Variants in TRPC4AP observed in about 807,000 individuals in gnomAD.
TRPC4AP encodes the protein short transient receptor potential channel 4-associated protein.
A neutral mutation model predicts 99.0 loss-of-function variants in TRPC4AP; 45 were observed. The observed-to-expected ratio is 0.45, with a 90% CI of 0.36 to 0.58. The LOEUF (loss-of-function observed/expected upper bound fraction) is 0.58. Among genes scored for constraint, TRPC4AP ranks in the 20% least tolerant of loss-of-function variants. TRPC4AP has a pLI of 0.00. For synonymous variants in TRPC4AP, 408 were observed against 385.8 expected, an observed-to-expected ratio of 1.06 and a Z score of -0.67; for missense variants, 879 against 985.3, an observed-to-expected ratio of 0.89 and a Z score of 1.44.
At chr20:35,056,985 CA>C (rs398035624) in intron 4 of TRPC4AP, among the ~76,000 whole-genome samples, 13 of 90,262 alleles carry the variant, frequency 1.4e-4, no homozygotes, top group Non-Finnish European at 1.7e-4. Flanking sequence ...GAGACTGTCT[CA>C]AAAAAAAAAA....
At chr20:35,065,706 G>A (rs966385737) in intron 3 of TRPC4AP, among the ~76,000 whole-genome samples, 2 of 152,112 alleles carry the variant, frequency 1.3e-5, no homozygotes, top group Non-Finnish European at 2.9e-5. Flanking sequence ...ACTCAAAGCA[G>A]GAAAGAAAAA....
At chr20:35,004,665 G>A in intron 16 of TRPC4AP, 95 bp from the exon 17 acceptor site, 1 of 1,018,340 alleles carries the variant, frequency 9.8e-7, no homozygotes, top group Non-Finnish European at 1.5e-6. Flanking sequence ...TCCTGACTCT[G>A]AAGCTAGGAG....
chr20:35,033,632 A>G (rs935353179), intron 8 of TRPC4AP, among the ~76,000 whole-genome samples: 1 of 152,120 alleles, frequency 6.6e-6, no homozygotes, highest in Non-Finnish European at 1.5e-5. Context: ...AGTTCTTCTC[A>G]GCTGTCTCCT....
chr20:35,079,926 G>A (rs2084586983), intron 1 of TRPC4AP, among the ~76,000 whole-genome samples: 1 of 150,414 alleles, frequency 6.6e-6, no homozygotes, highest in Non-Finnish European at 1.5e-5. Flanking sequence ...GAAGGATGAG[G>A]TGAGAAGATC....
chr20:35,044,447 G>T (rs2083512583), intron 7 of TRPC4AP, 58 bp downstream of exon 7: 58 of 1,323,168 alleles, frequency 4.4e-5, no homozygotes, highest in Non-Finnish European at 5.4e-5. Flanking sequence ...AAAACTAGAT[G>T]ATTTAGTAAG....
intron 8 of TRPC4AP, among the ~76,000 whole-genome samples, chr20:35,027,303 G>C (rs1003140169): frequency 6.6e-6 from 1 of 152,138 alleles, no homozygotes; most frequent in African/African-American, 2.4e-5. Flanking sequence ...CTATGGAAAC[G>C]ATCATGTGGT....
intron 6 of TRPC4AP, among the ~76,000 whole-genome samples, chr20:35,048,626 TC>T (rs1471860292): frequency 2.6e-5 from 4 of 152,164 alleles, no homozygotes; most frequent in African/African-American, 7.2e-5. Context: ...ATGGTATCTA[TC>T]CCCCTTTCAA....
chr20:35,049,935 T>C lies in TRPC4AP; in HGVS notation c.588A>G (p.Thr196=), dbSNP rs1439445558. The change falls in exon 6 of 19, where the codon ACA becomes ACG. Residue 196 remains threonine (T), a synonymous_variant. Transcript: ENST00000252015. ...EKNDFVIFLF[T]LMTSKKTFLQ... Reference sequence around the variant, plus strand: ...AGAATGTCTTCTTACTTGTCATCAATGTAAACAGGAAGATCACAAAGTCAT... The same window carrying C: ...AGAATGTCTTCTTACTTGTCATCAACGTAAACAGGAAGATCACAAAGTCAT... The C allele has an allele frequency of 5.0e-6, 8 of 1,614,048 alleles. No homozygotes were observed. The highest frequency in any genetic ancestry group is 1.3e-5 in the African/African-American group (1 of 74,940).
intron 2 of TRPC4AP, 99 bp from the exon 3 acceptor site, chr20:35,069,511 A>G: frequency 1.3e-6 from 1 of 756,504 alleles, no homozygotes; most frequent in African/African-American, 1.7e-5. Flanking sequence ...TGGAGTTCCC[A>G]TGAACACAAA....
At chr20:35,047,831 C>T (rs2083595551) in intron 6 of TRPC4AP, among the ~76,000 whole-genome samples, 1 of 152,178 alleles carries the variant, frequency 6.6e-6, no homozygotes, top group South Asian at 2.1e-4. Context: ...AGCTTCCCCA[C>T]AAGTGTGTCC....
chr20:35,032,435 T>C (rs1258096805), intron 8 of TRPC4AP, among the ~76,000 whole-genome samples: 2 of 151,992 alleles, frequency 1.3e-5, no homozygotes, highest in African/African-American at 4.8e-5. Context: ...AATAGTCCTT[T>C]ACTTCTTCAA....
At chr20:35,046,096 G>A (rs912108411) in intron 6 of TRPC4AP, among the ~76,000 whole-genome samples, 9 of 152,080 alleles carry the variant, frequency 5.9e-5, no homozygotes, top group African/African-American at 2.2e-4. Flanking sequence ...GTGAGAGCAA[G>A]AATTCTTGTC....
intron 9 of TRPC4AP, among the ~76,000 whole-genome samples, chr20:35,019,883 G>A (rs1277397041): frequency 6.6e-6 from 1 of 152,084 alleles, no homozygotes; most frequent in Non-Finnish European, 1.5e-5. Context: ...AACACCAGGT[G>A]TAGGTAATCA....
intron 1 of TRPC4AP, 38 bp downstream of exon 1, chr20:35,092,576 G>C (rs1360842594): frequency 2.1e-6 from 3 of 1,438,602 alleles, no homozygotes; most frequent in Non-Finnish European, 2.7e-6. Flanking sequence ...CTCCCGCCTG[G>C]TCCGCCCCGC....
rs1289641922 is a variant in TRPC4AP, at chr20:35,086,537, G to GTATATATA, written c.168+6076_168+6077insTATATATA. Among the ~76,000 whole-genome samples, 66 of 65,030 alleles carry GTATATATA rather than the reference G, an allele frequency of 1.0e-3. 9 individuals are homozygous for GTATATATA. Among genetic ancestry groups the GTATATATA allele is most frequent in the Middle Eastern group, 6.7e-3 (1 of 150 alleles). 42.7% of individuals were successfully genotyped at this position (65,030 alleles called of 152,430 possible). A position where few individuals can be genotyped will look rare whatever the true frequency, so the allele number is the denominator to read the frequency against. ...TGTGTGTGTATATATGTGTGTGTGT[G>GTATATATA]TGTGTGTGTGTGTGTGTGTGTGTGT... is the stretch of plus-strand genomic sequence containing the variant. On this transcript the variant is annotated intron_variant, in intron 1 of 18. Coordinates refer to ENST00000252015, the MANE Select transcript of TRPC4AP (RefSeq NM_015638.3).
chr20:35,010,544 C>T (rs1600505452), intron 11 of TRPC4AP, among the ~76,000 whole-genome samples: 1 of 152,110 alleles, frequency 6.6e-6, no homozygotes, highest in East Asian at 1.9e-4. Context: ...AGGCCCCTTC[C>T]CTCAGCAGCT....
At chr20:35,031,390 C>CTTTTTTTT (rs71299218) in intron 8 of TRPC4AP, among the ~76,000 whole-genome samples, 2 of 73,658 alleles carry the variant, frequency 2.7e-5, no homozygotes, top group African/African-American at 5.9e-5. Flanking sequence ...CCCTGGTTAA[C>CTTTTTTTT]TTTTTTTTTT....
chr20:35,083,497 T>C (rs1005081046), intron 1 of TRPC4AP, among the ~76,000 whole-genome samples: 2 of 150,382 alleles, frequency 1.3e-5, no homozygotes, highest in Non-Finnish European at 1.5e-5. Context: ...TAATCCCAGC[T>C]ACTAGGGGAG....
chr20:35,035,093 C>T (rs375960624), intron 8 of TRPC4AP, 30 bp downstream of exon 8: 23 of 1,581,282 alleles, frequency 1.5e-5, no homozygotes, highest in African/African-American at 1.2e-4. Flanking sequence ...GAAAAGCTCC[C>T]GATCACTCAG....
Sources: gnomAD v4.1 joint callset for allele counts (sites outside exome capture counted in the v4.1 genomes callset) on GRCh38, gnomAD v4.1.1 for gene constraint, MANE v1.5 for transcripts, NCBI Gene and HGNC (gene_info 2026-07-23, HGNC 2026-07-21) for gene names.